ZCWPW2: variants seen among roughly 807,000 people sequenced by gnomAD.
ZCWPW2 encodes zinc finger CW-type and PWWP domain containing 2.
Under a neutral mutation model 46.6 loss-of-function variants are expected in ZCWPW2, and 45 were observed. The ratio of observed to expected loss-of-function variants is 0.96; its 90% CI spans 0.76 to 1.24. The LOEUF is 1.24. Ranked by LOEUF, ZCWPW2 falls within the 50% of genes most tolerant of loss-of-function variation. The pLI is 0.00. For missense variants in ZCWPW2, 429 were observed against 403.9 expected, an observed-to-expected ratio of 1.06 and a Z score of -0.53; for synonymous variants, 152 against 137.1, an observed-to-expected ratio of 1.11 and a Z score of -0.76.
chr3:28,406,966 A>G (rs912700548), intron 2 of ZCWPW2, among the ~76,000 whole-genome samples: 3 of 151,860 alleles, frequency 2.0e-5, no homozygotes, highest in East Asian at 1.9e-4. Flanking sequence ...TAATGGGAAT[A>G]TAGGTGTGCC....
chr3:28,490,743 A>G (rs773062806), intron 5 of ZCWPW2, among the ~76,000 whole-genome samples: 3 of 152,080 alleles, frequency 2.0e-5, no homozygotes, highest in Non-Finnish European at 2.9e-5. Flanking sequence ...AAACCTGTAC[A>G]TGTACCCCTG....
At chr3:28,492,294 ATG>A (rs1479918433) in intron 6 of ZCWPW2, 121 bp downstream of exon 6, 8 of 847,754 alleles carry the variant, frequency 9.4e-6, no homozygotes, top group Non-Finnish European at 1.4e-5. Flanking sequence ...TTTCTTCTGA[ATG>A]TTACTTTAGT....
chr3:28,515,874 T>C (rs903484631), intron 8 of ZCWPW2, among the ~76,000 whole-genome samples: 11 of 152,132 alleles, frequency 7.2e-5, no homozygotes, highest in Non-Finnish European at 1.2e-4. Context: ...ATACCAGGGC[T>C]TTTAAATTTT....
intron 6 of ZCWPW2, among the ~76,000 whole-genome samples, chr3:28,501,622 A>C (rs560660180): frequency 1.3e-5 from 2 of 152,336 alleles, no homozygotes; most frequent in African/African-American, 4.8e-5. Context: ...TTTCTTAAAT[A>C]TATTTACTCA....
intron 3 of ZCWPW2, among the ~76,000 whole-genome samples, chr3:28,421,051 A>G (rs970137687): frequency 1.3e-5 from 2 of 152,084 alleles, no homozygotes; most frequent in Non-Finnish European, 2.9e-5. Flanking sequence ...ATTTAAACCT[A>G]TTTAGCAGGC....
chr3:28,464,025 A>G (rs1488559681), intron 4 of ZCWPW2, among the ~76,000 whole-genome samples: 1 of 152,082 alleles, frequency 6.6e-6, no homozygotes, highest in Non-Finnish European at 1.5e-5. Flanking sequence ...AAATTTTGGT[A>G]TATTGTGGCA....
chr3:28,487,958 A>G (rs1699663503), intron 5 of ZCWPW2, among the ~76,000 whole-genome samples: 1 of 152,126 alleles, frequency 6.6e-6, no homozygotes, highest in Admixed American at 6.6e-5. Context: ...AGGCTCTGGT[A>G]AAATAGTTTC....
intron 1 of ZCWPW2, among the ~76,000 whole-genome samples, chr3:28,358,231 T>C (rs1415522950): frequency 6.6e-6 from 1 of 152,184 alleles, no homozygotes; most frequent in East Asian, 1.9e-4. Flanking sequence ...GTAAATGTTA[T>C]CATTATACTT....
chr3:28,356,730 C>T (rs1258293941), intron 1 of ZCWPW2, among the ~76,000 whole-genome samples: 1 of 152,268 alleles, frequency 6.6e-6, no homozygotes, highest in East Asian at 1.9e-4. Flanking sequence ...TGGAAACCAT[C>T]ATTCTCAGCA....
At chr3:28,486,692 C>T (rs549609718) in intron 5 of ZCWPW2, among the ~76,000 whole-genome samples, 1 of 151,920 alleles carries the variant, frequency 6.6e-6, no homozygotes, top group African/African-American at 2.4e-5. Flanking sequence ...CTGGGCAACA[C>T]GGTGAGATTC....
At chr3:28,350,524 C>T (rs1704505686) in intron 1 of ZCWPW2, among the ~76,000 whole-genome samples, 1 of 152,076 alleles carries the variant, frequency 6.6e-6, no homozygotes, top group Non-Finnish European at 1.5e-5. Flanking sequence ...ATTTGCTTAA[C>T]CAGGATGTAC....
At chr3:28,395,997 C>T (rs372454209) in intron 2 of ZCWPW2, among the ~76,000 whole-genome samples, 15 of 151,906 alleles carry the variant, frequency 9.9e-5, no homozygotes, top group South Asian at 6.2e-4. Flanking sequence ...ATGTTATATA[C>T]CTTGGTATAT....
At chr3:28,476,785 C>G (rs1699250305) in intron 4 of ZCWPW2, among the ~76,000 whole-genome samples, 1 of 152,170 alleles carries the variant, frequency 6.6e-6, no homozygotes, top group Admixed American at 6.5e-5. Flanking sequence ...AGGGTCCCAT[C>G]TGGGGGTGAT....
intron 5 of ZCWPW2, among the ~76,000 whole-genome samples, chr3:28,483,467 T>C (rs978778248): frequency 9.9e-5 from 15 of 152,200 alleles, no homozygotes; most frequent in African/African-American, 3.6e-4. Context: ...TTGGCTATTC[T>C]GGGTCTTTGC....
At chr3:28,393,424 T>C (rs1222843770) in intron 2 of ZCWPW2, among the ~76,000 whole-genome samples, 1 of 152,078 alleles carries the variant, frequency 6.6e-6, no homozygotes, top group Non-Finnish European at 1.5e-5. Flanking sequence ...GAAACACACT[T>C]CTAAACTCAT....
chr3:28,472,008 TATCTC>T (rs1338200754), intron 4 of ZCWPW2, among the ~76,000 whole-genome samples: 1 of 152,096 alleles, frequency 6.6e-6, no homozygotes, highest in Non-Finnish European at 1.5e-5. Context: ...ACCTAGGAAT[TATCTC>T]AACCAAAAAA....
In ZCWPW2 at chr3:28,377,633, A is replaced by G. The variant is rs369786636; in HGVS notation, c.-133-12865A>G. Among the ~76,000 whole-genome samples the G allele has an allele frequency of 2.0e-5, 3 of 152,248 alleles. No homozygotes were observed. In the South Asian group the frequency reaches 6.2e-4, roughly 32 times the overall value. ...CCAAAGGTCAATTGAGAATGGGCAC[A>G]TGCAGGAAAAAGTAACTAAGCCGTC... is the stretch of plus-strand genomic sequence containing the variant. On this transcript the variant is annotated intron_variant, in intron 1 of 9. Coordinates refer to ENST00000383768, the MANE Select transcript of ZCWPW2 (RefSeq NM_001040432.4).
rs370190535 is a variant in ZCWPW2, at chr3:28,378,575, A to G, written c.-133-11923A>G. Among the ~76,000 whole-genome samples, 34 of 152,232 alleles carry G rather than the reference A, an allele frequency of 2.2e-4. No homozygotes were observed. In the South Asian group the frequency reaches 6.8e-3, roughly 31 times the overall value. ...GATAAAGAGATGTTCAGATCATTTA[A>G]CTGACTTGCCTTAATTTGAAAATCT... is the stretch of plus-strand genomic sequence containing the variant. On this transcript the variant is annotated intron_variant, in intron 1 of 9. Transcript: ENST00000383768.
chr3:28,435,161 T>C lies in ZCWPW2; in HGVS notation c.384T>C (p.Tyr128=). 1 of 1,613,650 alleles carries C rather than the reference T, an allele frequency of 6.2e-7. No homozygotes were observed. Among genetic ancestry groups the C allele is most frequent in the Non-Finnish European group, 8.5e-7 (1 of 1,179,928 alleles). Residue 128 remains tyrosine, a synonymous_variant, in exon 4 of 10, where the codon TAT becomes TAC. Coordinates refer to ENST00000383768, the MANE Select transcript of ZCWPW2 (RefSeq NM_001040432.4). Reference sequence around the variant, plus strand: ...GTTTTAAAGGGAAATATGTAACTTATGACCCGGATGGAAATGTTGAAGAGT... The same window carrying C: ...GTTTTAAAGGGAAATATGTAACTTACGACCCGGATGGAAATGTTGAAGAGT... ...PDRFKGKYVT[Y]DPDGNVEEYH...
Sources: allele counts gnomAD v4.1 joint callset (sites outside exome capture counted in the v4.1 genomes callset), GRCh38; gene constraint gnomAD v4.1.1; transcripts MANE v1.5; gene names NCBI Gene and HGNC (gene_info 2026-07-23, HGNC 2026-07-21).